VPS4B: variants seen among roughly 807,000 people sequenced by gnomAD.
The protein encoded by VPS4B is vacuolar protein sorting 4 homolog B.
VPS4B carries 23 observed loss-of-function variants against 56.1 expected under a neutral mutation model. The ratio of observed to expected loss-of-function variants is 0.41; its 90% CI spans 0.30 to 0.58. The LOEUF is 0.58. Among genes scored for constraint, VPS4B ranks in the 20% least tolerant of loss-of-function variants. The probability of loss-of-function intolerance (pLI) is 0.29; values close to 1 mark genes in which losing one functional copy is unlikely to be tolerated. For synonymous variants in VPS4B, 177 were observed against 186.0 expected, an observed-to-expected ratio of 0.95 and a Z score of 0.39; for missense variants, 372 against 531.9, an observed-to-expected ratio of 0.70 and a Z score of 2.96.
intron 1 of VPS4B, among the ~76,000 whole-genome samples, chr18:63,420,995 G>A (rs1366370329): frequency 1.4e-5 from 2 of 143,042 alleles, no homozygotes; most frequent in African/African-American, 2.6e-5. Flanking sequence ...CTGAAATCAC[G>A]CCACTGCACT....
chr18:63,391,347 G>A (rs1488841542), intron 10 of VPS4B, among the ~76,000 whole-genome samples: 2 of 151,376 alleles, frequency 1.3e-5, no homozygotes, highest in African/African-American at 4.9e-5. Context: ...TCCTGCCTCA[G>A]CCTCCCAAGT....
chr18:63,400,493 G>A, intron 6 of VPS4B, 54 bp downstream of exon 6: 1 of 1,525,132 alleles, frequency 6.6e-7, no homozygotes, highest in Non-Finnish European at 8.9e-7. Flanking sequence ...ATTAAGGAGT[G>A]ATACAGTAAT....
chr18:63,396,806 T>C (rs1372039655), intron 9 of VPS4B: 4 of 460,652 alleles, frequency 8.7e-6, no homozygotes, highest in Admixed American at 3.6e-5. Flanking sequence ...CTGGCCAACA[T>C]GGTGAAATCC....
At chr18:63,394,348 T>C (rs1244005384) in intron 9 of VPS4B, among the ~76,000 whole-genome samples, 3 of 152,256 alleles carry the variant, frequency 2.0e-5, no homozygotes, top group Admixed American at 6.5e-5. Context: ...GCAGTATCAA[T>C]GCCATTTTAT....
chr18:63,415,797 G>A (rs537167597), intron 1 of VPS4B: 8 of 206,880 alleles, frequency 3.9e-5, no homozygotes, highest in Admixed American at 1.1e-4. Flanking sequence ...GCCCTTCCCC[G>A]ATGAATTTCT....
chr18:63,407,584 T>C (rs529548663), intron 3 of VPS4B, 85 bp from the exon 4 acceptor site: 1 of 1,089,528 alleles, frequency 9.2e-7, no homozygotes, highest in South Asian at 1.5e-5. Context: ...ACCTGAAATA[T>C]TTGTAATTTC....
chr18:63,399,994 G>C, intron 7 of VPS4B, 54 bp downstream of exon 7: 1 of 1,547,856 alleles, frequency 6.5e-7, no homozygotes, highest in Non-Finnish European at 8.7e-7. Flanking sequence ...ACTCCAGCCT[G>C]GGCGACAGAG....
chr18:63,404,824 G>A (rs1359202281), intron 4 of VPS4B: 2 of 152,020 alleles, frequency 1.3e-5, no homozygotes, highest in African/African-American at 2.4e-5. Context: ...TCTAAGACTA[G>A]TTACTAGCAA....
At chr18:63,415,986 G>T (rs771044188) in intron 1 of VPS4B, 7 of 218,962 alleles carry the variant, frequency 3.2e-5, no homozygotes, top group South Asian at 8.0e-5. Flanking sequence ...TCACTTCTGT[G>T]ATGTCCTTAA....
chr18:63,404,800 A>G (rs1304265469), intron 4 of VPS4B: 1 of 152,192 alleles, frequency 6.6e-6, no homozygotes, highest in African/African-American at 2.4e-5. Context: ...TTGTTAGGAA[A>G]GATAATCTGT....
intron 3 of VPS4B, 39 bp from the exon 4 acceptor site, chr18:63,407,538 T>C (rs1364708943): frequency 7.3e-6 from 11 of 1,507,964 alleles, no homozygotes; most frequent in South Asian, 1.2e-5. Context: ...TGATCACTCA[T>C]TGCTATCAAA....
At chr18:63,401,104 A>G (rs1409637966) in intron 5 of VPS4B, among the ~76,000 whole-genome samples, 1 of 152,254 alleles carries the variant, frequency 6.6e-6, no homozygotes, top group Non-Finnish European at 1.5e-5. Context: ...AATTATATCC[A>G]TAAAAAATGG....
At chr18:63,418,796 G>A (rs925628909) in intron 1 of VPS4B, among the ~76,000 whole-genome samples, 5 of 152,024 alleles carry the variant, frequency 3.3e-5, no homozygotes, top group Non-Finnish European at 7.4e-5. Context: ...TCTTTGTTTT[G>A]CCTTATTCTG....
At position 63,393,705 on chromosome 18, in the gene VPS4B, G is replaced by C. The variant is rs1228611593; in HGVS notation, c.1093-156C>G. ...AATTAAGAATATACAACAAAAAGTA[G>C]TTATCCCCTGGGTAATGGGATAGAT... On this transcript the variant is annotated intron_variant, in intron 9 of 10. Coordinates refer to ENST00000238497, the MANE Select transcript of VPS4B (RefSeq NM_004869.4). 4 of 795,442 alleles carry C rather than the reference G, an allele frequency of 5.0e-6. No individual in the cohort carries two copies. In the African/African-American group the frequency reaches 7.3e-5, roughly 14 times the overall value. 49.3% of individuals were successfully genotyped at this position (795,442 alleles called of 1,614,324 possible). A position where few individuals can be genotyped will look rare whatever the true frequency, so the allele number is the denominator to read the frequency against.
rs371815146 is a variant in VPS4B at position 63,399,275 on chromosome 18, A to G, written c.839T>C (p.Ile280Thr). 1.1e-5 allele frequency: 17 copies of G among 1,614,062 alleles called. No individual in the cohort carries two copies. In the African/African-American group the frequency reaches 1.9e-4, roughly 18 times the overall value. Residue 280 changes from isoleucine (I) to threonine (T), a missense_variant, in exon 8 of 11, where the codon ATA becomes ACA. By Grantham distance (89) the Ile-to-Thr change is moderately conservative. Coordinates refer to ENST00000238497, the MANE Select transcript of VPS4B (RefSeq NM_004869.4). ...DGILVLGATNIPWVLDSAIRR... is the reference protein window; with the variant it reads ...DGILVLGATNTPWVLDSAIRR... ...AATGGCAGAATCCAGAACCCAGGGT[A>G]TATTTGTAGCTCCCAGAACCAAAAT...
intron 8 of VPS4B, among the ~76,000 whole-genome samples, chr18:63,398,833 C>CA (rs200001508): frequency 0.012 from 1,032 of 86,968 alleles, 11 homozygotes; most frequent in African/African-American, 0.036. Context: ...GACTCCGACT[C>CA]AAAAAAAAAA....
chr18:63,403,368 AT>A (rs1224465333), intron 5 of VPS4B, among the ~76,000 whole-genome samples: 1 of 152,166 alleles, frequency 6.6e-6, no homozygotes, highest in African/African-American at 2.4e-5. Flanking sequence ...CTGCTTTTTG[AT>A]CTTTGCAATA....
rs2144406864 is a variant in VPS4B at position 63,390,786 on chromosome 18, T to C, written c.*189A>G. On this transcript the variant is annotated 3_prime_UTR_variant, in exon 11 of 11. Transcript: ENST00000238497. ...CCTCATAACCTGTTATTTTGTACCT[T>C]TTGTTAATAGGAGTATTTAATAAGT... is the stretch of plus-strand genomic sequence containing the variant. 2.3e-6 allele frequency: 1 copy of C among 442,992 alleles called. No individual in the cohort carries two copies. Among genetic ancestry groups the C allele is most frequent in the East Asian group, 4.0e-5 (1 of 24,972 alleles). 27.4% of individuals were successfully genotyped at this position (442,992 alleles called of 1,614,324 possible). A position where few individuals can be genotyped will look rare whatever the true frequency, so the allele number is the denominator to read the frequency against.
chr18:63,397,141 G>A lies in VPS4B; in HGVS notation c.985C>T (p.Leu329Phe). ...GAATAACCATCTGTTTTCCTCCCAAGTTCCCGAAAGTCTGCTTCCGTGAGA... is the reference window on the plus strand; with the variant it reads ...GAATAACCATCTGTTTTCCTCCCAAATTCCCGAAAGTCTGCTTCCGTGAGA... ...NSLTEADFRELGRKTDGYSGA... is the reference protein window; with the variant it reads ...NSLTEADFREFGRKTDGYSGA... Residue 329 changes from leucine to phenylalanine, a missense_variant, in exon 9 of 11, where the codon CTT becomes TTT. Physicochemically the swap from Leu to Phe is conservative, Grantham distance 22 (BLOSUM62 0). Around this residue, in one of 3 missense-constraint regions of VPS4B, gnomAD observed 153 missense variants for 190.9 expected, o/e 0.80. Transcript: ENST00000238497. 1.2e-6 allele frequency: 2 copies of A among 1,614,146 alleles called. No homozygotes were observed. Among genetic ancestry groups the A allele is most frequent in the Non-Finnish European group, 1.7e-6 (2 of 1,180,042 alleles).
Sources: allele counts gnomAD v4.1 joint callset (sites outside exome capture counted in the v4.1 genomes callset), GRCh38; gene constraint gnomAD v4.1.1; regional missense constraint gnomAD v4.1.1; transcripts MANE v1.5; gene names NCBI Gene and HGNC (gene_info 2026-07-23, HGNC 2026-07-21).